The following FGF14 variants were observed in gnomAD, a reference collection of about 807,000 sequenced individuals.
FGF14 encodes the protein fibroblast growth factor 14.
A neutral mutation model predicts 25.5 loss-of-function variants in FGF14; 5 were observed. That is an observed-to-expected ratio of 0.20 (90% confidence interval 0.10 to 0.41). FGF14 has a LOEUF of 0.41. FGF14 is among the 10% of genes least tolerant of loss of function. The probability of loss-of-function intolerance (pLI) is 1.00; values close to 1 mark genes in which losing one functional copy is unlikely to be tolerated. For synonymous variants in FGF14, 138 were observed against 118.3 expected, an observed-to-expected ratio of 1.17 and a Z score of -1.08; for missense variants, 222 against 320.1, an observed-to-expected ratio of 0.69 and a Z score of 2.34.
intron 1 of FGF14, among the ~76,000 whole-genome samples, chr13:101,897,384 T>C (rs570494858): frequency 3.3e-5 from 5 of 152,272 alleles, no homozygotes; most frequent in East Asian, 1.9e-4. Context: ...AGAGGTCTAT[T>C]TGGGGTGTGG....
At chr13:102,067,904 T>G (rs183632800) in intron 1 of FGF14, among the ~76,000 whole-genome samples, 1 of 151,930 alleles carries the variant, frequency 6.6e-6, no homozygotes, top group African/African-American at 2.4e-5. Context: ...AGAATCCCAA[T>G]GCAGCAAAAG....
chr13:102,158,410 T>C (rs922755085), intron 1 of FGF14, among the ~76,000 whole-genome samples: 1 of 151,110 alleles, frequency 6.6e-6, no homozygotes, highest in Non-Finnish European at 1.5e-5. Flanking sequence ...CTCAGCAAAC[T>C]ATCACAAGGA....
At chr13:102,111,788 AAAAC>A (rs745683485) in intron 1 of FGF14, among the ~76,000 whole-genome samples, 5 of 137,818 alleles carry the variant, frequency 3.6e-5, no homozygotes, top group Non-Finnish European at 6.3e-5. Context: ...AAAAAAAAAA[AAAAC>A]CAAAGCAAAA....
chr13:101,842,457 T>C (rs1033080477), intron 3 of FGF14, among the ~76,000 whole-genome samples: 3 of 151,934 alleles, frequency 2.0e-5, no homozygotes, highest in Middle Eastern at 3.4e-3. Flanking sequence ...AGGGCAGGAG[T>C]GCTTATGGCT....
At chr13:101,863,653 G>A (rs781097500) in intron 3 of FGF14, among the ~76,000 whole-genome samples, 1 of 152,102 alleles carries the variant, frequency 6.6e-6, no homozygotes, top group Non-Finnish European at 1.5e-5. Flanking sequence ...GTCTTTGGGT[G>A]TGTTACTCTT....
rs1324825209 is a variant in FGF14, at chr13:101,991,375, G to A, written c.209-116079C>T. Reference sequence around the variant, plus strand: ...AATGGCAATGACTTTTTAAAAAAAAGTTTGAATTCAGTTGGATTGTTGCTA... The same window carrying A: ...AATGGCAATGACTTTTTAAAAAAAAATTTGAATTCAGTTGGATTGTTGCTA... On this transcript the variant is annotated intron_variant, in intron 1 of 4. Coordinates refer to the FGF14 transcript ENST00000376131. Among the ~76,000 whole-genome samples, 3 of 152,176 alleles carry A rather than the reference G, an allele frequency of 2.0e-5. No homozygotes were observed. In the East Asian group the frequency reaches 5.8e-4, roughly 29 times the overall value.
chr13:102,157,913 T>C (rs796460364), intron 1 of FGF14, among the ~76,000 whole-genome samples: 1 of 151,972 alleles, frequency 6.6e-6, no homozygotes, highest in Non-Finnish European at 1.5e-5. Flanking sequence ...AAAAGACACA[T>C]GAAAAAATGC....
chr13:101,850,930 T>C (rs1406700775), intron 3 of FGF14, among the ~76,000 whole-genome samples: 1 of 151,896 alleles, frequency 6.6e-6, no homozygotes, highest in Admixed American at 6.6e-5. Context: ...AGGTGTTACA[T>C]ATCATTTATG....
At chr13:102,092,985 A>G (rs916597723) in intron 1 of FGF14, among the ~76,000 whole-genome samples, 5 of 152,196 alleles carry the variant, frequency 3.3e-5, no homozygotes, top group Non-Finnish European at 7.4e-5. Flanking sequence ...GAAAGTACAC[A>G]TGCGTGGTTG....
chr13:101,948,973 C>T (rs4366587), intron 1 of FGF14, among the ~76,000 whole-genome samples: 62,123 of 151,782 alleles, frequency 0.41, 14,967 homozygotes, highest in East Asian at 0.72. Context: ...CTCATTTGTA[C>T]GAATTTGAAG....
chr13:102,161,682 GAAGAAGAAGAAGAAGAAGAAGAAGAAGAA>G (rs2047760572), intron 1 of FGF14, among the ~76,000 whole-genome samples: 1 of 57,160 alleles, frequency 1.7e-5, no homozygotes, highest in Non-Finnish European at 4.1e-5. Context: ...AGAAGAAGAA[GAAGAAGAAGAAGAAGAAGAAGAAGAAGAA>G]GAAGAAGAAG....
At chr13:102,372,841 G>A (rs2057927648) in intron 1 of FGF14, among the ~76,000 whole-genome samples, 1 of 152,010 alleles carries the variant, frequency 6.6e-6, no homozygotes, top group Admixed American at 6.6e-5. Flanking sequence ...CAACGCAGGG[G>A]CTACTGTGAA....
intron 1 of FGF14, among the ~76,000 whole-genome samples, chr13:101,930,425 G>A (rs1259938233): frequency 6.6e-6 from 1 of 152,114 alleles, no homozygotes. Context: ...GCACACTCAT[G>A]TCCCCATATC....
chr13:101,957,315 A>G (rs2036572714), intron 1 of FGF14, among the ~76,000 whole-genome samples: 1 of 152,178 alleles, frequency 6.6e-6, no homozygotes, highest in East Asian at 1.9e-4. Context: ...TTGGGGCAAG[A>G]AAAGCAGGTG....
At chr13:101,824,693 G>C (rs2042318443) in intron 3 of FGF14, among the ~76,000 whole-genome samples, 2 of 152,142 alleles carry the variant, frequency 1.3e-5, no homozygotes, top group African/African-American at 4.8e-5. Flanking sequence ...GAAACCTCCT[G>C]AATAGTCTTA....
intron 1 of FGF14, among the ~76,000 whole-genome samples, chr13:101,916,158 G>A (rs1242850201): frequency 1.3e-5 from 2 of 152,256 alleles, no homozygotes; most frequent in Non-Finnish European, 2.9e-5. Context: ...CTCCCGGGAA[G>A]CCGAGACTCA....
Position 101,715,595 on chromosome 13 carries a change from T to C in FGF14, c.*7236A>G, listed in dbSNP as rs779594336. On this transcript the variant is annotated 3_prime_UTR_variant, in exon 5 of 5. Transcript: ENST00000376143. The stretch of plus-strand genomic sequence containing the variant: ...AATATGTAGCTGTGGAAACTGTGAA[T>C]GCTGGGATGGATGGAATGGAAATGC... 5 of 1,613,422 alleles carry C rather than the reference T, an allele frequency of 3.1e-6. No individual in the cohort carries two copies. The highest frequency in any genetic ancestry group is 2.5e-6 in the Non-Finnish European group (3 of 1,179,520).
chr13:101,909,211 C>G (rs1181065117), intron 1 of FGF14, among the ~76,000 whole-genome samples: 2 of 152,142 alleles, frequency 1.3e-5, no homozygotes, highest in South Asian at 4.1e-4. Flanking sequence ...ACACCAAAAG[C>G]AATGGCAACA....
intron 1 of FGF14, among the ~76,000 whole-genome samples, chr13:101,978,411 A>T (rs749948770): frequency 5.9e-5 from 9 of 152,216 alleles, no homozygotes; most frequent in Non-Finnish European, 1.2e-4. Context: ...GATTTTAATC[A>T]TAACTGCATG....
Sources: allele counts gnomAD v4.1 joint callset (sites outside exome capture counted in the v4.1 genomes callset), GRCh38; gene constraint gnomAD v4.1.1; transcripts MANE v1.5; gene names NCBI Gene and HGNC (gene_info 2026-07-23, HGNC 2026-07-21).